Variants in ELMO1 observed in about 807,000 individuals in gnomAD.
ELMO1 encodes engulfment and cell motility 1.
In ELMO1, 26 loss-of-function variants were observed where a neutral mutation model predicts 98.9. The observed-to-expected ratio is 0.26, with a 90% confidence interval of 0.19 to 0.36. ELMO1 has a LOEUF of 0.36. ELMO1 is among the 10% of genes least tolerant of loss of function. The pLI is 1.00. For synonymous variants in ELMO1, 346 were observed against 346.0 expected (o/e 1.00, Z 0.00); for missense variants, 627 against 935.2 (o/e 0.67, Z 4.30).
Position 36,861,752 on chromosome 7 carries a change from G to A in ELMO1, c.1906-16C>T, listed in dbSNP as rs553745574. On this transcript the variant is annotated splice_polypyrimidine_tract_variant and intron_variant, in intron 20 of 21. Coordinates refer to ENST00000310758, the MANE Select transcript of ELMO1 (RefSeq NM_014800.11). Reference sequence around the variant, plus strand: ...CAAGCACCTCCTACAAGAGATGAGAGAAAACAGCACCTTAAGGAAAATCGG... The same window carrying A: ...CAAGCACCTCCTACAAGAGATGAGAAAAAACAGCACCTTAAGGAAAATCGG... The A allele has an allele frequency of 1.5e-5, 24 of 1,612,044 alleles. No individual in the cohort carries two copies. In the East Asian group the frequency reaches 4.5e-4, roughly 30 times the overall value.
intron 13 of ELMO1, among the ~76,000 whole-genome samples, chr7:37,157,663 A>C (rs1461982004): frequency 6.6e-6 from 1 of 152,222 alleles, no homozygotes; most frequent in Non-Finnish European, 1.5e-5. Flanking sequence ...AAAAGAGGAC[A>C]GAAATGGAAG....
At chr7:37,155,497 A>AT (rs1352543313) in intron 13 of ELMO1, among the ~76,000 whole-genome samples, 2 of 129,742 alleles carry the variant, frequency 1.5e-5, no homozygotes, top group Non-Finnish European at 3.7e-5. Flanking sequence ...CAAAAAAAAA[A>AT]AAAAAAAAAA....
chr7:37,421,784 T>C (rs1433217848), intron 1 of ELMO1, among the ~76,000 whole-genome samples: 1 of 152,202 alleles, frequency 6.6e-6, no homozygotes, highest in African/African-American at 2.4e-5. Flanking sequence ...AAAACAGCCA[T>C]GCATTATAGA....
intron 21 of ELMO1, among the ~76,000 whole-genome samples, chr7:36,856,511 C>T (rs1802206946): frequency 6.6e-6 from 1 of 152,180 alleles, no homozygotes; most frequent in South Asian, 2.1e-4. Flanking sequence ...TTTGGAAAGC[C>T]CTTCACAGTA....
At chr7:36,978,624 C>T (rs1026511391) in intron 16 of ELMO1, among the ~76,000 whole-genome samples, 1 of 152,122 alleles carries the variant, frequency 6.6e-6, no homozygotes, top group Admixed American at 6.5e-5. Context: ...CTGCTGAGAC[C>T]AAGAACATCT....
At chr7:37,412,617 C>G (rs1348004687) in intron 1 of ELMO1, among the ~76,000 whole-genome samples, 1 of 151,780 alleles carries the variant, frequency 6.6e-6, no homozygotes, top group East Asian at 1.9e-4. Context: ...GGTTTTAAAA[C>G]ATGGGTGCAT....
At chr7:36,963,710 C>T (rs1463682333) in intron 16 of ELMO1, among the ~76,000 whole-genome samples, 6 of 152,154 alleles carry the variant, frequency 3.9e-5, no homozygotes, top group Non-Finnish European at 8.8e-5. Flanking sequence ...TGATTTGTCA[C>T]CTATATGTCT....
At chr7:36,974,770 C>A (rs1378615408) in intron 16 of ELMO1, among the ~76,000 whole-genome samples, 1 of 152,228 alleles carries the variant, frequency 6.6e-6, no homozygotes, top group African/African-American at 2.4e-5. Flanking sequence ...ACTGCTCACT[C>A]TTTAGGTCCA....
At chr7:37,013,254 T>C (rs1396652248) in intron 16 of ELMO1, 45 bp downstream of exon 16, 3 of 1,609,762 alleles carry the variant, frequency 1.9e-6, no homozygotes, top group Non-Finnish European at 2.5e-6. Context: ...GCAGGCCCCT[T>C]TAGCGCTGCG....
chr7:36,986,205 CG>C lies in ELMO1; in HGVS notation c.1437+27093del, dbSNP rs373319446. 5.7e-4 allele frequency: 562 copies of C among 985,500 alleles called. No individual in the cohort carries two copies. In the African/African-American group the frequency reaches 5.8e-3, roughly 10 times the overall value. The allele number at this position is 985,500 out of a possible 1,614,324, so 61.0% of individuals were successfully genotyped here. On this transcript the variant is annotated intron_variant, in intron 16 of 21. Coordinates refer to ENST00000310758, the MANE Select transcript of ELMO1 (RefSeq NM_014800.11). ...CAGGGATGCTCCGATTGGCAGGAGT[CG>C]GGGAAAGATCAGCCAATCAAAGGGC...
intron 8 of ELMO1, among the ~76,000 whole-genome samples, chr7:37,232,019 A>C: frequency 6.6e-6 from 1 of 152,042 alleles, no homozygotes; most frequent in Non-Finnish European, 1.5e-5. Context: ...CGCCCGGCTA[A>C]TTTTTGTAGT....
At chr7:37,022,188 G>T (rs1441189170) in intron 15 of ELMO1, among the ~76,000 whole-genome samples, 1 of 152,122 alleles carries the variant, frequency 6.6e-6, no homozygotes, top group Non-Finnish European at 1.5e-5. Flanking sequence ...ACTTTAAGGT[G>T]GGCGAAAGTT....
rs202236834 is a variant in ELMO1 at position 36,887,641 on chromosome 7, A to G, written c.1633T>C (p.Leu545=). ...AGGCGTTGCTGTTTGATCAGCTCTA[A>G]GATTTCTGGCTGAATCTTCTCCTTT... is the stretch of plus-strand genomic sequence containing the variant. ...ELKEKIQPEI[L]ELIKQQRLNR... The change falls in exon 18 of 22, where the codon TTA becomes CTA. Residue 545 remains leucine, a synonymous_variant. Transcript: ENST00000310758. 2 of 1,614,104 alleles carry G rather than the reference A, an allele frequency of 1.2e-6. No individual in the cohort carries two copies. Among genetic ancestry groups the G allele is most frequent in the Admixed American group, 1.7e-5 (1 of 60,024 alleles).
chr7:37,007,129 G>T (rs1358935882), intron 16 of ELMO1, among the ~76,000 whole-genome samples: 8 of 152,168 alleles, frequency 5.3e-5, no homozygotes, highest in Admixed American at 1.3e-4. Flanking sequence ...TTCTAGAGGA[G>T]GTTCCACTGC....
At chr7:37,425,877 T>A (rs1804676323) in intron 1 of ELMO1, among the ~76,000 whole-genome samples, 1 of 151,876 alleles carries the variant, frequency 6.6e-6, no homozygotes, top group African/African-American at 2.4e-5. Context: ...CTAGGCAGAG[T>A]CCCCCACTCC....
At chr7:37,314,691 G>T (rs1057234456) in intron 4 of ELMO1, among the ~76,000 whole-genome samples, 159 bp downstream of exon 4, 1 of 152,156 alleles carries the variant, frequency 6.6e-6, no homozygotes, top group African/African-American at 2.4e-5. Flanking sequence ...TCATCTTGTG[G>T]ATTCTAAAGT....
At chr7:37,089,247 C>T (rs1783941382) in intron 15 of ELMO1, among the ~76,000 whole-genome samples, 1 of 152,072 alleles carries the variant, frequency 6.6e-6, no homozygotes, top group Admixed American at 6.5e-5. Context: ...ACAAGGTGCT[C>T]CACTCGGCAC....
chr7:37,168,621 G>C (rs1194173764), intron 13 of ELMO1, among the ~76,000 whole-genome samples: 2 of 152,168 alleles, frequency 1.3e-5, no homozygotes, highest in Non-Finnish European at 2.9e-5. Flanking sequence ...CTGTTTGCCT[G>C]GGTATCAGCA....
At chr7:37,421,853 C>T (rs1303730957) in intron 1 of ELMO1, among the ~76,000 whole-genome samples, 1 of 152,140 alleles carries the variant, frequency 6.6e-6, no homozygotes, top group Non-Finnish European at 1.5e-5. Context: ...AAAACTGGCC[C>T]CTCTGCTTGG....
Sources: allele counts gnomAD v4.1 joint callset (sites outside exome capture counted in the v4.1 genomes callset), GRCh38; gene constraint gnomAD v4.1.1; transcripts MANE v1.5; gene names NCBI Gene and HGNC (gene_info 2026-07-23, HGNC 2026-07-21).